Variants in POLK observed in about 807,000 individuals in gnomAD.
POLK encodes polymerase (DNA directed) kappa.
Under a neutral mutation model 94.0 loss-of-function variants are expected in POLK, and 76 were observed. That is an observed-to-expected ratio of 0.81 (90% CI 0.67 to 0.98). POLK has a LOEUF of 0.98. Among genes scored for constraint, POLK ranks in the 50% least tolerant of loss-of-function variants. The pLI is 0.00. For missense variants in POLK, 954 were observed against 1,010.1 expected (o/e 0.94, Z 0.75); for synonymous variants, 349 against 325.4 (o/e 1.07, Z -0.78).
intron 7 of POLK, chr5:75,581,967 C>A: frequency 1.0e-6 from 1 of 971,938 alleles, no homozygotes; most frequent in Non-Finnish European, 1.2e-6. Context: ...GCCTGAGCCA[C>A]CGCGCCCGAC....
At chr5:75,578,842 C>G (rs917252398) in intron 6 of POLK, among the ~76,000 whole-genome samples, 1 of 152,200 alleles carries the variant, frequency 6.6e-6, no homozygotes, top group Admixed American at 6.5e-5. Flanking sequence ...AATGTTTACT[C>G]TCCCATGTAA....
At chr5:75,524,433 C>T (rs1768735849) in intron 1 of POLK, among the ~76,000 whole-genome samples, 1 of 152,116 alleles carries the variant, frequency 6.6e-6, no homozygotes, top group South Asian at 2.1e-4. Context: ...TTGGAGAAGT[C>T]AGTGCTGTCA....
chr5:75,556,749 TC>T (rs1332833421), intron 3 of POLK, among the ~76,000 whole-genome samples: 1 of 151,822 alleles, frequency 6.6e-6, no homozygotes, highest in Admixed American at 6.5e-5. Flanking sequence ...ATCCAATTGT[TC>T]CAGCACAATT....
chr5:75,511,553 A>G (rs1768005426), upstream of POLK: 1 of 1,458,456 alleles, frequency 6.9e-7, no homozygotes, highest in Non-Finnish European at 9.0e-7. Context: ...AGAAGGGAAG[A>G]GAAAATCCGG....
At chr5:75,568,719 G>T (rs759595673) in intron 3 of POLK, 46 of 435,534 alleles carry the variant, frequency 1.1e-4, no homozygotes, top group Non-Finnish European at 2.0e-4. Flanking sequence ...TTCTACAGAG[G>T]AACATTTACA....
intron 10 of POLK, 75 bp from the exon 11 acceptor site, chr5:75,590,268 TA>T: frequency 3.0e-6 from 2 of 672,700 alleles, no homozygotes; most frequent in Non-Finnish European, 5.0e-6. Flanking sequence ...GCTAGCCATA[TA>T]AACATGCATA....
intron 3 of POLK, among the ~76,000 whole-genome samples, chr5:75,561,226 T>C (rs1406751374): frequency 1.3e-5 from 2 of 152,256 alleles, no homozygotes; most frequent in African/African-American, 2.4e-5. Flanking sequence ...TGAGATGGTA[T>C]CTCATTGTGG....
intron 1 of POLK, among the ~76,000 whole-genome samples, chr5:75,544,289 A>G (rs1288198984): frequency 6.6e-6 from 1 of 152,114 alleles, no homozygotes; most frequent in Non-Finnish European, 1.5e-5. Context: ...TCGGAGGCTG[A>G]GGTGGGAGGA....
At chr5:75,529,274 G>C (rs572508445) in intron 1 of POLK, among the ~76,000 whole-genome samples, 47 of 152,122 alleles carry the variant, frequency 3.1e-4, no homozygotes, top group African/African-American at 1.1e-3. Flanking sequence ...AAGAGAGAGG[G>C]GGGAGGTGCC....
At chr5:75,604,553 T>A (rs558528213), downstream of POLK, among the ~76,000 whole-genome samples, 2 of 152,300 alleles carry the variant, frequency 1.3e-5, no homozygotes, top group African/African-American at 4.8e-5. Flanking sequence ...TTTTTGTATT[T>A]TTTTGTTGAG....
intron 13 of POLK, chr5:75,597,381 G>A (rs1773147547): frequency 1.9e-6 from 1 of 518,146 alleles, no homozygotes; most frequent in East Asian, 3.1e-5. Context: ...ACTTTGGTTT[G>A]ATCTTGATTT....
chr5:75,584,974 A>G, intron 9 of POLK, 48 bp downstream of exon 9: 1 of 1,249,902 alleles, frequency 8.0e-7, no homozygotes, highest in Non-Finnish European at 1.2e-6. Flanking sequence ...ATTTGCTGCA[A>G]TATCAGTTTT....
intron 1 of POLK, among the ~76,000 whole-genome samples, chr5:75,520,094 C>A (rs1768497931): frequency 6.6e-6 from 1 of 151,988 alleles, no homozygotes; most frequent in Non-Finnish European, 1.5e-5. Context: ...AGAGCTATGA[C>A]AAGTTATTTT....
At chr5:75,557,258 T>TAG (rs2112687243) in intron 3 of POLK, among the ~76,000 whole-genome samples, 1 of 152,334 alleles carries the variant, frequency 6.6e-6, no homozygotes, top group East Asian at 1.9e-4. Context: ...TGAAGTCAAG[T>TAG]AGTTTCAGTC....
chr5:75,586,242 A>G (rs1191747539), intron 9 of POLK, among the ~76,000 whole-genome samples: 1 of 152,066 alleles, frequency 6.6e-6, no homozygotes, highest in Non-Finnish European at 1.5e-5. Context: ...CATATTCTCT[A>G]TTCCCCTATT....
At chr5:75,608,346 A>G in the POLK span, among the ~76,000 whole-genome samples, 3 of 152,012 alleles carry the variant, frequency 2.0e-5, no homozygotes, top group Non-Finnish European at 4.4e-5. Flanking sequence ...GGTCTGCCCC[A>G]CCACCACCAG....
chr5:75,579,373 T>A lies in POLK; in HGVS notation c.695-1836T>A, dbSNP rs181785767. 7.3e-4 allele frequency among the ~76,000 whole-genome samples: 111 copies of A among 152,062 alleles called. 1 individual carries two copies. Among genetic ancestry groups the A allele is most frequent in the Admixed American group, 3.5e-3 (53 of 15,282 alleles). Reference sequence around the variant, plus strand: ...TCACAGTCTTTATTTTTTTTTTATTTTTTTTTATTTTTTTGAGATGGAGTC... The same window carrying A: ...TCACAGTCTTTATTTTTTTTTTATTATTTTTTATTTTTTTGAGATGGAGTC... On this transcript the variant is annotated intron_variant, in intron 6 of 14. Transcript: ENST00000241436.
chr5:75,597,826 A>G lies in POLK; in HGVS notation c.2528+37A>G, dbSNP rs181708702. On this transcript the variant is annotated intron_variant, in intron 14 of 14. Coordinates refer to ENST00000241436, the Ensembl canonical transcript of POLK. ...TTGAGCTTTAATAAAGCTGGCTACA[A>G]TATGAAAATTCAATTATTTTATAAA... 9.1e-4 allele frequency: 1,226 copies of G among 1,354,612 alleles called. 9 individuals carry two copies. Among genetic ancestry groups the G allele is most frequent in the African/African-American group, 1.7e-3 (117 of 66,910 alleles). The allele number at this position is 1,354,612 out of a possible 1,614,324, so 83.9% of individuals were successfully genotyped here. A position where few individuals can be genotyped will look rare whatever the true frequency, so the allele number is the denominator to read the frequency against.
At chr5:75,546,892 C>A in intron 1 of POLK, 118 bp from the exon 2 acceptor site, 1 of 455,780 alleles carries the variant, frequency 2.2e-6, no homozygotes, top group Non-Finnish European at 4.0e-6. Flanking sequence ...GTGTCGAACC[C>A]CTGAGCTCAG....
Sources: allele counts gnomAD v4.1 joint callset (sites outside exome capture counted in the v4.1 genomes callset), GRCh38; gene constraint gnomAD v4.1.1; transcripts MANE v1.5; gene names NCBI Gene and HGNC (gene_info 2026-07-23, HGNC 2026-07-21).